ADAMTS17: variants seen among roughly 807,000 people sequenced by gnomAD.
ADAMTS17 encodes ADAM metallopeptidase with thrombospondin type 1 motif 17.
Under a neutral mutation model 141.5 loss-of-function variants are expected in ADAMTS17, and 113 were observed. That is an observed-to-expected ratio of 0.80 (90% CI 0.69 to 0.93). The LOEUF (loss-of-function observed/expected upper bound fraction) is 0.93. ADAMTS17 is among the 40% of genes least tolerant of loss of function. ADAMTS17 has a pLI of 0.00. For synonymous variants in ADAMTS17, 768 were observed against 630.6 expected (o/e 1.22, Z -3.27); for missense variants, 1,659 against 1,517.9 (o/e 1.09, Z -1.54).
chr15:100,330,611 T>C (rs1596538700), intron 3 of ADAMTS17, among the ~76,000 whole-genome samples: 1 of 151,908 alleles, frequency 6.6e-6, no homozygotes, highest in African/African-American at 2.4e-5. Flanking sequence ...GGCTACAAGG[T>C]TTTTTGGACC....
At position 100,145,403 on chromosome 15, in the gene ADAMTS17, T is replaced by C. The variant is rs2038853783; in HGVS notation, c.1473+7209A>G. Among the ~76,000 whole-genome samples, 2 of 152,230 alleles carry C rather than the reference T, an allele frequency of 1.3e-5. 1 individual carries two copies. The highest frequency in any genetic ancestry group is 4.1e-4 in the South Asian group (2 of 4,830). On this transcript the variant is annotated intron_variant, in intron 10 of 21. Coordinates refer to ENST00000268070, the MANE Select transcript of ADAMTS17 (RefSeq NM_139057.4). ...TATTTTTCTTTCGTTTTACAGCATC[T>C]AGCAAGTAGTAGTATTTTTCATATT...
intron 3 of ADAMTS17, among the ~76,000 whole-genome samples, chr15:100,325,366 A>C (rs1289310837): frequency 6.6e-6 from 1 of 152,214 alleles, no homozygotes; most frequent in Non-Finnish European, 1.5e-5. Flanking sequence ...AAAATAAAGC[A>C]CAACAGTGGG....
intron 2 of ADAMTS17, among the ~76,000 whole-genome samples, chr15:100,331,622 C>A (rs2046056468): frequency 6.6e-6 from 1 of 152,148 alleles, no homozygotes; most frequent in Non-Finnish European, 1.5e-5. Context: ...AGGGGAGGAC[C>A]TGGTTTGAAC....
intron 7 of ADAMTS17, among the ~76,000 whole-genome samples, chr15:100,237,198 T>C (rs1370725990): frequency 6.6e-6 from 1 of 152,152 alleles, no homozygotes; most frequent in African/African-American, 2.4e-5. Flanking sequence ...CCTCAGCACC[T>C]TCATCTGTGA....
chr15:100,210,991 C>T (rs2041783381), intron 7 of ADAMTS17, among the ~76,000 whole-genome samples: 1 of 151,970 alleles, frequency 6.6e-6, no homozygotes, highest in Non-Finnish European at 1.5e-5. Context: ...GTCCCAGCTA[C>T]TCGGGGGCTG....
intron 7 of ADAMTS17, among the ~76,000 whole-genome samples, chr15:100,242,591 G>A (rs1436617569): frequency 5.3e-5 from 8 of 151,982 alleles, no homozygotes; most frequent in Non-Finnish European, 7.4e-5. Flanking sequence ...CATCCTAGGC[G>A]GTACCTCTCC....
intron 18 of ADAMTS17, among the ~76,000 whole-genome samples, chr15:100,017,302 G>C (rs957723934): frequency 6.6e-6 from 1 of 152,218 alleles, no homozygotes; most frequent in Non-Finnish European, 1.5e-5. Context: ...TCCCAGCTGT[G>C]AAAGAAAAGG....
intron 4 of ADAMTS17, among the ~76,000 whole-genome samples, chr15:100,277,775 T>A (rs2044149732): frequency 1.3e-5 from 2 of 152,184 alleles, no homozygotes; most frequent in Admixed American, 1.3e-4. Context: ...GTTAAGCAAT[T>A]CCATTTCCAG....
chr15:99,981,326 C>T (rs2060478494), intron 20 of ADAMTS17, among the ~76,000 whole-genome samples: 2 of 152,226 alleles, frequency 1.3e-5, no homozygotes, highest in Admixed American at 6.5e-5. Context: ...GGTGTCTGTT[C>T]TCACTGTTCA....
At chr15:100,111,841 A>T (rs568726710) in intron 13 of ADAMTS17, among the ~76,000 whole-genome samples, 1 of 152,236 alleles carries the variant, frequency 6.6e-6, no homozygotes, top group Non-Finnish European at 1.5e-5. Context: ...ACAGACATGC[A>T]TACAGGGCTC....
intron 15 of ADAMTS17, among the ~76,000 whole-genome samples, chr15:100,064,269 C>T (rs2033355021): frequency 6.6e-6 from 1 of 152,176 alleles, no homozygotes; most frequent in Non-Finnish European, 1.5e-5. Flanking sequence ...TGGAACAGAT[C>T]CTCCCTCGTG....
intron 7 of ADAMTS17, among the ~76,000 whole-genome samples, chr15:100,236,525 T>TAAA (rs2042660060): frequency 6.6e-6 from 1 of 151,764 alleles, no homozygotes; most frequent in African/African-American, 2.4e-5. Context: ...GGACCCTCTT[T>TAAA]AAATCTTTAC....
chr15:100,207,660 G>C (rs1308213435), intron 7 of ADAMTS17, among the ~76,000 whole-genome samples: 3 of 152,188 alleles, frequency 2.0e-5, no homozygotes, highest in African/African-American at 7.2e-5. Flanking sequence ...AAATATGGTG[G>C]AGTGGGGGTG....
chr15:100,043,197 C>G (rs1008496673), intron 18 of ADAMTS17, among the ~76,000 whole-genome samples: 3 of 152,152 alleles, frequency 2.0e-5, no homozygotes, highest in African/African-American at 7.2e-5. Flanking sequence ...CAGCCTGGGG[C>G]AGGGAGCCAG....
intron 3 of ADAMTS17, among the ~76,000 whole-genome samples, chr15:100,324,688 C>T (rs1166521528): frequency 1.3e-5 from 2 of 152,212 alleles, no homozygotes; most frequent in Non-Finnish European, 2.9e-5. Flanking sequence ...GAGTCTCTAG[C>T]TCCCAGCTTA....
intron 3 of ADAMTS17, among the ~76,000 whole-genome samples, chr15:100,319,973 G>A (rs76067530): frequency 0.016 from 2,488 of 152,040 alleles, 47 homozygotes; most frequent in Admixed American, 0.052. Flanking sequence ...TAAAGGAAAG[G>A]TAACAGCATC....
intron 7 of ADAMTS17, among the ~76,000 whole-genome samples, chr15:100,224,599 C>T (rs563148281): frequency 4.1e-4 from 62 of 152,328 alleles, no homozygotes; most frequent in African/African-American, 1.4e-3. Context: ...ATAAGGTCCT[C>T]GTTCTTCACC....
chr15:100,045,245 G>T (rs1181659423), intron 18 of ADAMTS17, among the ~76,000 whole-genome samples: 1 of 151,952 alleles, frequency 6.6e-6, no homozygotes, highest in East Asian at 1.9e-4. Context: ...TAAAAATTAA[G>T]ATATTTTATA....
chr15:100,281,308 AG>A lies in ADAMTS17; in HGVS notation c.709del (p.Leu237TrpfsTer22). 3 of 1,609,558 alleles carry A rather than the reference AG, an allele frequency of 1.9e-6. No homozygotes were observed. The South Asian group carries it at 3.3e-5, about 18-fold the overall frequency. ...RLTSEHTVET[L>X]VVADADMVQY... ...CACCATGTCGGCGTCGGCCACCACC[AG>A]GGTCTCCACCGTGTGCTCGCTGGTG... On this transcript the variant is annotated frameshift_variant, in exon 4 of 22. Transcript: ENST00000268070. LOFTEE classifies it high-confidence loss of function.
Sources: allele counts gnomAD v4.1 joint callset (sites outside exome capture counted in the v4.1 genomes callset), GRCh38; gene constraint gnomAD v4.1.1; transcripts MANE v1.5; gene names NCBI Gene and HGNC (gene_info 2026-07-23, HGNC 2026-07-21).